AHCTF1: variants seen among roughly 807,000 people sequenced by gnomAD.
AHCTF1 encodes the protein protein ELYS.
AHCTF1 carries 24 observed loss-of-function variants against 248.4 expected under a neutral mutation model. That is an observed-to-expected ratio of 0.10 (90% CI 0.07 to 0.14). The LOEUF is 0.14. Ranked by LOEUF, AHCTF1 falls within the 10% of genes least tolerant of loss-of-function variation. AHCTF1 has a pLI of 1.00. For missense variants in AHCTF1, 2,206 were observed against 2,636.2 expected, an observed-to-expected ratio of 0.84 and a Z score of 3.57; for synonymous variants, 786 against 929.8, an observed-to-expected ratio of 0.85 and a Z score of 2.81.
intron 21 of AHCTF1, among the ~76,000 whole-genome samples, chr1:246,880,187 T>C (rs1423702936): frequency 6.6e-6 from 1 of 151,658 alleles, no homozygotes. Flanking sequence ...CACTGAAGCA[T>C]GTAAATAGCT....
In AHCTF1 at chr1:246,927,872, G is replaced by A. The variant is rs539526689; in HGVS notation, c.-8+3706C>T. 2.7e-3 allele frequency among the ~76,000 whole-genome samples: 226 copies of A among 84,052 alleles called. 1 individual carries two copies. The highest frequency in any genetic ancestry group is 6.0e-3 in the Admixed American group (44 of 7,346). The allele number at this position is 84,052 out of a possible 152,430, so 55.1% of individuals were successfully genotyped here. ...ACAAAAATTAGCTGGGCGCGGTAGC[G>A]CGCTGTAGTCCCAGCTACTTGGGAG... is the stretch of plus-strand genomic sequence containing the variant. On this transcript the variant is annotated intron_variant, in intron 1 of 35. Coordinates refer to ENST00000648844, the MANE Select transcript of AHCTF1 (RefSeq NM_001323342.2).
At chr1:246,861,885 C>T (rs1286173206) in intron 28 of AHCTF1, 74 bp downstream of exon 28, 9 of 1,263,630 alleles carry the variant, frequency 7.1e-6, no homozygotes, top group Non-Finnish European at 9.9e-6. Context: ...CTTGATTTAT[C>T]TAACTTTTTA....
intron 1 of AHCTF1, among the ~76,000 whole-genome samples, chr1:246,927,930 G>A (rs528753166): frequency 2.3e-4 from 35 of 152,280 alleles, no homozygotes; most frequent in Admixed American, 2.0e-3. Flanking sequence ...AACCTGGGAG[G>A]CAGAGGTTGC....
At chr1:246,845,297 CAGT>C (rs1160379591) in intron 33 of AHCTF1, among the ~76,000 whole-genome samples, 2 of 149,948 alleles carry the variant, frequency 1.3e-5, no homozygotes, top group Non-Finnish European at 1.5e-5. Flanking sequence ...TGTGGGTACA[CAGT>C]AGGTGTATAT....
chr1:246,919,280 G>A (rs569041254), intron 1 of AHCTF1, among the ~76,000 whole-genome samples: 11 of 152,242 alleles, frequency 7.2e-5, no homozygotes, highest in Admixed American at 7.2e-4. Context: ...CAGCCTAAAG[G>A]TGAGCAAGAA....
At chr1:246,859,877 G>C (rs1211111392) in intron 29 of AHCTF1, among the ~76,000 whole-genome samples, 1 of 152,104 alleles carries the variant, frequency 6.6e-6, no homozygotes, top group Non-Finnish European at 1.5e-5. Context: ...TCATTGTCCA[G>C]TGATTATTTT....
rs1572383982 is a variant in AHCTF1 at position 246,864,732 on chromosome 1, C to T, written c.3348-616G>A. Among the ~76,000 whole-genome samples the T allele has an allele frequency of 4.5e-5, 3 of 66,638 alleles. 1 individual carries two copies. The South Asian group carries it at 1.1e-3, about 25-fold the overall frequency. 43.7% of individuals were successfully genotyped at this position (66,638 alleles called of 152,430 possible). On this transcript the variant is annotated intron_variant, in intron 26 of 35. Transcript: ENST00000648844. ...GCGGGCGCCTGTAGTCCCAGCTACT[C>T]GGGAGGCTGAGGCAGGAGAATGGCG...
chr1:246,861,859 T>C (rs1572379314), intron 28 of AHCTF1, 100 bp downstream of exon 28: 15 of 950,898 alleles, frequency 1.6e-5, no homozygotes, highest in East Asian at 7.8e-5. Context: ...CAAAAATCTA[T>C]AGTGGTATTT....
chr1:246,866,133 A>G (rs1661960582), intron 26 of AHCTF1, among the ~76,000 whole-genome samples: 1 of 152,178 alleles, frequency 6.6e-6, no homozygotes, highest in Non-Finnish European at 1.5e-5. Context: ...CAGCATGAAA[A>G]ACACAGAAGG....
chr1:246,841,381 AAC>A (rs1352987120), intron 35 of AHCTF1, among the ~76,000 whole-genome samples: 1 of 152,230 alleles, frequency 6.6e-6, no homozygotes, highest in Non-Finnish European at 1.5e-5. Flanking sequence ...TCAATGATCA[AAC>A]ACAGCAATTA....
At chr1:246,858,120 C>T (rs1037242158) in intron 29 of AHCTF1, among the ~76,000 whole-genome samples, 2 of 151,988 alleles carry the variant, frequency 1.3e-5, no homozygotes, top group African/African-American at 4.8e-5. Flanking sequence ...CCACCATGCC[C>T]TGCTGATTTT....
rs115894418 is a variant in AHCTF1, at chr1:246,855,342, A to G, written c.4354+388T>C. 9.2e-3 allele frequency among the ~76,000 whole-genome samples: 1,398 copies of G among 152,314 alleles called. 11 individuals carry two copies. Among genetic ancestry groups the G allele is most frequent in the Non-Finnish European group, 0.016 (1,081 of 68,016 alleles). Reference sequence around the variant, plus strand: ...TTGGATTAAAAAAAAAATTCCATATATTTGTTAATTTCCCTGGAGAATATT... The same window carrying G: ...TTGGATTAAAAAAAAAATTCCATATGTTTGTTAATTTCCCTGGAGAATATT... On this transcript the variant is annotated intron_variant, in intron 31 of 35. Transcript: ENST00000648844.
intron 4 of AHCTF1, 86 bp downstream of exon 4, chr1:246,913,146 C>T: frequency 1.8e-6 from 2 of 1,122,294 alleles, no homozygotes; most frequent in Non-Finnish European, 2.4e-6. Flanking sequence ...ACTCCAGCTG[C>T]TATAAAAAAA....
intron 1 of AHCTF1, among the ~76,000 whole-genome samples, chr1:246,929,959 G>A (rs956494608): frequency 1.3e-5 from 2 of 152,056 alleles, no homozygotes; most frequent in African/African-American, 2.4e-5. Context: ...GGCTGAGGCA[G>A]GAGAATCGCT....
rs774852031 is a variant in AHCTF1 at position 246,840,929 on chromosome 1, G to T, written c.6678C>A (p.Ser2226Arg). 9.3e-6 allele frequency: 15 copies of T among 1,612,874 alleles called. No individual in the cohort carries two copies. In the South Asian group the frequency reaches 1.5e-4, roughly 17 times the overall value. ...IEIRLISPLASPADGVKSKPR... is the reference protein window; with the variant it reads ...IEIRLISPLARPADGVKSKPR... ...GTTTGCTCTTGACTCCGTCAGCTGG[G>T]CTAGCCAAGGGGGAAATCAGCCGAA... Residue 2226 changes from serine (S) to arginine (R), a missense_variant, in exon 36 of 36, where the codon AGC becomes AGA. Around this residue, in one of 6 missense-constraint regions of AHCTF1, gnomAD observed 469 missense variants for 470.0 expected, o/e 1.00. Transcript: ENST00000648844.
In AHCTF1 at chr1:246,885,574, A is replaced by T; in HGVS notation, c.2579T>A (p.Leu860His). The change falls in exon 21 of 36, where the codon CTC becomes CAC. Residue 860 changes from leucine to histidine, a missense_variant. By Grantham distance (99) the Leu-to-His change is moderately conservative (BLOSUM62 -3). Transcript: ENST00000648844. ...TGGCTTCATTGTCTGAATATATCTG[A>T]GGGCTTGTCTGTGCTCGCCCTGACT... ...FMSQGEHRQA[L>H]RYIQTMKPTV... 1 of 1,612,176 alleles carries T rather than the reference A, an allele frequency of 6.2e-7. No individual in the cohort carries two copies. Among genetic ancestry groups the T allele is most frequent in the Non-Finnish European group, 8.5e-7 (1 of 1,178,978 alleles).
chr1:246,922,704 T>C lies in AHCTF1; in HGVS notation c.-7-4327A>G, dbSNP rs536016821. 2.8e-3 allele frequency among the ~76,000 whole-genome samples: 410 copies of C among 148,978 alleles called. 1 individual carries two copies. Among genetic ancestry groups the C allele is most frequent in the South Asian group, 4.7e-3 (20 of 4,258 alleles). The stretch of plus-strand genomic sequence containing the variant: ...ACACCTATCAATAGTATCAATAGGC[T>C]GGGCGCAGTGGCTCACGCCTGTAAT... On this transcript the variant is annotated intron_variant, in intron 1 of 35. Coordinates refer to ENST00000648844, the MANE Select transcript of AHCTF1 (RefSeq NM_001323342.2).
At position 246,885,458 on chromosome 1, in the gene AHCTF1, G is replaced by A. The variant is rs772893213; in HGVS notation, c.2660+35C>T. On this transcript the variant is annotated intron_variant, in intron 21 of 35. Transcript: ENST00000648844. ...TCAATTCCATTTTATTAACAGATACGATAAAGACTTTATAGTTTCAAAAGA... is the reference window on the plus strand; with the variant it reads ...TCAATTCCATTTTATTAACAGATACAATAAAGACTTTATAGTTTCAAAAGA... The A allele has an allele frequency of 1.6e-5, 25 of 1,520,368 alleles. No individual in the cohort carries two copies. In the Admixed American group the frequency reaches 2.6e-4, roughly 16 times the overall value. 94.2% of individuals were successfully genotyped at this position (1,520,368 alleles called of 1,614,324 possible).
intron 3 of AHCTF1, among the ~76,000 whole-genome samples, chr1:246,914,379 T>G (rs1184734042): frequency 6.6e-6 from 1 of 152,194 alleles, no homozygotes; most frequent in Non-Finnish European, 1.5e-5. Flanking sequence ...ATATCAATGA[T>G]TCATGTGTTA....
Sources: allele counts gnomAD v4.1 joint callset (sites outside exome capture counted in the v4.1 genomes callset), GRCh38; gene constraint gnomAD v4.1.1; regional missense constraint gnomAD v4.1.1; transcripts MANE v1.5; gene names NCBI Gene and HGNC (gene_info 2026-07-23, HGNC 2026-07-21).